GAN: variants seen among roughly 807,000 people sequenced by gnomAD.
The protein encoded by GAN is epididymis secretory sperm binding protein.
GAN carries 48 observed loss-of-function variants against 71.3 expected under a neutral mutation model. The observed-to-expected ratio is 0.67, with a 90% CI of 0.53 to 0.86. The LOEUF (loss-of-function observed/expected upper bound fraction) is 0.86. GAN is among the 40% of genes least tolerant of loss of function. The pLI is 0.00. For synonymous variants in GAN, 386 were observed against 276.8 expected (o/e 1.39, Z -3.92); for missense variants, 928 against 770.1 (o/e 1.21, Z -2.43).
At chr16:81,331,616 G>A (rs1359609353) in intron 1 of GAN, among the ~76,000 whole-genome samples, 1 of 152,192 alleles carries the variant, frequency 6.6e-6, no homozygotes, top group African/African-American at 2.4e-5. Context: ...CTTGTGGGAA[G>A]TCCTTCAGGA....
At chr16:81,365,233 T>C (rs1172709237) in intron 8 of GAN, 117 bp from the exon 9 acceptor site, 2 of 1,571,702 alleles carry the variant, frequency 1.3e-6, no homozygotes, top group African/African-American at 1.4e-5. Flanking sequence ...TGGCATTTCC[T>C]GAGAAAGGAA....
intron 1 of GAN, among the ~76,000 whole-genome samples, chr16:81,343,444 G>A (rs560394198): frequency 1.3e-5 from 2 of 152,322 alleles, no homozygotes; most frequent in African/African-American, 4.8e-5. Flanking sequence ...TCATCCCTGG[G>A]ATGCAAGGCT....
intron 9 of GAN, among the ~76,000 whole-genome samples, chr16:81,371,612 C>T (rs1911038393): frequency 6.6e-6 from 1 of 152,090 alleles, no homozygotes; most frequent in African/African-American, 2.4e-5. Flanking sequence ...AGTGGATGCG[C>T]ACAAATTGAG....
At chr16:81,316,752 C>T (rs894455161) in intron 1 of GAN, among the ~76,000 whole-genome samples, 2 of 152,180 alleles carry the variant, frequency 1.3e-5, no homozygotes, top group Non-Finnish European at 2.9e-5. Flanking sequence ...GCTTGTTATC[C>T]TTGTTCGTTT....
At chr16:81,376,588 T>C (rs1904281347) in intron 9 of GAN, among the ~76,000 whole-genome samples, 1 of 150,948 alleles carries the variant, frequency 6.6e-6, no homozygotes, top group Non-Finnish European at 1.5e-5. Context: ...TATATATGTA[T>C]GTATAAGTAT....
chr16:81,338,834 G>T lies in GAN; in HGVS notation c.168-12749G>T, dbSNP rs551762707. Among the ~76,000 whole-genome samples, 13 of 152,270 alleles carry T rather than the reference G, an allele frequency of 8.5e-5. 1 individual carries two copies. Among genetic ancestry groups the T allele is most frequent in the African/African-American group, 3.1e-4 (13 of 41,546 alleles). On this transcript the variant is annotated intron_variant, in intron 1 of 10. Coordinates refer to ENST00000648994, the MANE Select transcript of GAN (RefSeq NM_022041.4). ...GATGCTTACAGTCCAAGACTGGAAG[G>T]GAGGCCCTTTGAGAGGCCCTGATTT...
At chr16:81,343,732 A>G (rs564957766) in intron 1 of GAN, among the ~76,000 whole-genome samples, 2 of 152,214 alleles carry the variant, frequency 1.3e-5, no homozygotes, top group African/African-American at 4.8e-5. Context: ...CTCTCTCACC[A>G]TTCCTATTCA....
intron 9 of GAN, among the ~76,000 whole-genome samples, chr16:81,366,833 C>G (rs1427980283): frequency 6.6e-6 from 1 of 150,978 alleles, no homozygotes; most frequent in African/African-American, 2.4e-5. Flanking sequence ...TTTTTTCTTT[C>G]TTTCTTTTTT....
rs1567504549 is a variant in GAN, at chr16:81,386,862, C to G, written c.*9266C>G. 1 of 152,400 alleles carries G rather than the reference C, an allele frequency of 6.6e-6. No homozygotes were observed. The highest frequency in any genetic ancestry group is 2.4e-5 in the African/African-American group (1 of 41,458). The allele number at this position is 152,400 out of a possible 1,614,324, so 9.4% of individuals were successfully genotyped here. On this transcript the variant is annotated 3_prime_UTR_variant, in exon 11 of 11. Coordinates refer to ENST00000648994, the MANE Select transcript of GAN (RefSeq NM_022041.4). ...TCGGGAGGCTGAGGCAGGAGAATCTCTTGAACCCAGGAGGCGGAGGTTGCG... is the reference window on the plus strand; with the variant it reads ...TCGGGAGGCTGAGGCAGGAGAATCTGTTGAACCCAGGAGGCGGAGGTTGCG...
intron 1 of GAN, among the ~76,000 whole-genome samples, chr16:81,323,266 G>T (rs958561123): frequency 1.3e-5 from 2 of 152,146 alleles, no homozygotes; most frequent in South Asian, 4.2e-4. Context: ...CTACTGTCTT[G>T]TGCGACCAAA....
intron 5 of GAN, among the ~76,000 whole-genome samples, chr16:81,361,860 A>G (rs534699996): frequency 1.2e-4 from 18 of 152,230 alleles, no homozygotes; most frequent in African/African-American, 3.9e-4. Context: ...ATGCCCGGCT[A>G]ATTTCATTAT....
intron 1 of GAN, among the ~76,000 whole-genome samples, chr16:81,340,352 TAAAAG>T (rs1909899997): frequency 6.6e-6 from 1 of 151,824 alleles, no homozygotes. Context: ...GAAATAAAAA[TAAAAG>T]AAAACAATAA....
chr16:81,327,958 A>T (rs72833381), intron 1 of GAN, among the ~76,000 whole-genome samples: 9,101 of 152,322 alleles, frequency 0.06, 370 homozygotes, highest in Non-Finnish European at 0.09. Context: ...GTACCTTTCC[A>T]AAAGGTCAGG....
Position 81,381,119 on chromosome 16 carries a change from A to G in GAN, c.*3523A>G, listed in dbSNP as rs545695602. Reference sequence around the variant, plus strand: ...GCATAGGAAATACATTCTTTGTACAAACGTGGTAAAGAGAGGACTGGCTTT... The same window carrying G: ...GCATAGGAAATACATTCTTTGTACAGACGTGGTAAAGAGAGGACTGGCTTT... On this transcript the variant is annotated 3_prime_UTR_variant, in exon 11 of 11. Coordinates refer to ENST00000648994, the MANE Select transcript of GAN (RefSeq NM_022041.4). 1 of 152,178 alleles carries G rather than the reference A, an allele frequency of 6.6e-6. No individual in the cohort carries two copies. Among genetic ancestry groups the G allele is most frequent in the Non-Finnish European group, 1.5e-5 (1 of 68,034 alleles). 9.4% of individuals were successfully genotyped at this position (152,178 alleles called of 1,614,324 possible).
In GAN at chr16:81,386,133, C is replaced by G. The variant is rs1383193605; in HGVS notation, c.*8537C>G. 1 of 152,188 alleles carries G rather than the reference C, an allele frequency of 6.6e-6. No individual in the cohort carries two copies. Among genetic ancestry groups the G allele is most frequent in the South Asian group, 2.1e-4 (1 of 4,838 alleles). 9.4% of individuals were successfully genotyped at this position (152,188 alleles called of 1,614,324 possible). A position where few individuals can be genotyped will look rare whatever the true frequency, so the allele number is the denominator to read the frequency against. On this transcript the variant is annotated 3_prime_UTR_variant, in exon 11 of 11. Coordinates refer to ENST00000648994, the MANE Select transcript of GAN (RefSeq NM_022041.4). ...TCAACACAATTCTAGATAGCTGAAA[C>G]AGCCCAAAATATGTGTTTAGAATAC...
At chr16:81,318,842 A>C (rs1909130733) in intron 1 of GAN, among the ~76,000 whole-genome samples, 1 of 152,186 alleles carries the variant, frequency 6.6e-6, no homozygotes, top group Admixed American at 6.5e-5. Context: ...TAGAGAGAGC[A>C]CGTGTCATGC....
At chr16:81,333,736 A>G (rs1241959969) in intron 1 of GAN, among the ~76,000 whole-genome samples, 1 of 152,212 alleles carries the variant, frequency 6.6e-6, no homozygotes, top group Non-Finnish European at 1.5e-5. Flanking sequence ...CTTAGTACCT[A>G]ATATCTCACC....
At chr16:81,317,071 C>G (rs1212880055) in intron 1 of GAN, among the ~76,000 whole-genome samples, 1 of 151,808 alleles carries the variant, frequency 6.6e-6, no homozygotes, top group African/African-American at 2.4e-5. Flanking sequence ...GTTGGCCAGG[C>G]TGGTCTCGAA....
chr16:81,371,309 C>T (rs540351926), intron 9 of GAN, among the ~76,000 whole-genome samples: 3 of 152,236 alleles, frequency 2.0e-5, no homozygotes, highest in South Asian at 2.1e-4. Context: ...CAAGAGTTGG[C>T]GTCTATTGAT....
Sources: allele counts gnomAD v4.1 joint callset (sites outside exome capture counted in the v4.1 genomes callset), GRCh38; gene constraint gnomAD v4.1.1; transcripts MANE v1.5; gene names NCBI Gene and HGNC (gene_info 2026-07-23, HGNC 2026-07-21).